The following ADAMTS12 variants were observed in gnomAD, a reference collection of about 807,000 sequenced individuals.
ADAMTS12 encodes A disintegrin and metalloproteinase with thrombospondin motifs 12.
Under a neutral mutation model 167.8 loss-of-function variants are expected in ADAMTS12, and 118 were observed. The observed-to-expected ratio is 0.70, with a 90% CI of 0.61 to 0.82. The LOEUF is 0.82. ADAMTS12 is among the 40% of genes least tolerant of loss of function. The pLI is 0.00. For synonymous variants in ADAMTS12, 704 were observed against 716.9 expected, an observed-to-expected ratio of 0.98 and a Z score of 0.29; for missense variants, 1,916 against 1,998.8, an observed-to-expected ratio of 0.96 and a Z score of 0.79.
At chr5:33,751,276 G>T in intron 3 of ADAMTS12, 128 bp downstream of exon 3, 2 of 1,117,240 alleles carry the variant, frequency 1.8e-6, no homozygotes, top group Non-Finnish European at 1.3e-6. Flanking sequence ...TGAATGTCAT[G>T]AAGATATTAA....
At chr5:33,856,607 T>C (rs1386531818) in intron 2 of ADAMTS12, among the ~76,000 whole-genome samples, 1 of 148,970 alleles carries the variant, frequency 6.7e-6, no homozygotes, top group Non-Finnish European at 1.5e-5. Context: ...TTAAAGGATT[T>C]CTCAAAAAAA....
chr5:33,727,521 C>T (rs1744027365), intron 3 of ADAMTS12, among the ~76,000 whole-genome samples: 1 of 152,238 alleles, frequency 6.6e-6, no homozygotes, highest in Non-Finnish European at 1.5e-5. Flanking sequence ...GTTTTCCAGA[C>T]TTTCCAAGGG....
chr5:33,873,179 A>C (rs1200055681), intron 2 of ADAMTS12, among the ~76,000 whole-genome samples: 1 of 151,950 alleles, frequency 6.6e-6, no homozygotes, highest in Non-Finnish European at 1.5e-5. Context: ...AAAAAAAAAA[A>C]AAAAACACTC....
intron 2 of ADAMTS12, among the ~76,000 whole-genome samples, chr5:33,792,079 C>A (rs1471170293): frequency 2.0e-5 from 3 of 148,854 alleles, no homozygotes; most frequent in Non-Finnish European, 4.4e-5. Flanking sequence ...CTCACTGCAA[C>A]CTCTGCCTCC....
At chr5:33,581,863 A>C (rs1747081302) in intron 18 of ADAMTS12, among the ~76,000 whole-genome samples, 1 of 152,234 alleles carries the variant, frequency 6.6e-6, no homozygotes, top group Non-Finnish European at 1.5e-5. Flanking sequence ...CACAGAGATC[A>C]CAGGCAGGTA....
intron 2 of ADAMTS12, among the ~76,000 whole-genome samples, chr5:33,868,271 G>A (rs2111723578): frequency 6.6e-6 from 1 of 152,328 alleles, no homozygotes; most frequent in South Asian, 2.1e-4. Flanking sequence ...CTTTGGAACT[G>A]GATAACAGGC....
intron 16 of ADAMTS12, among the ~76,000 whole-genome samples, chr5:33,602,280 G>A (rs973184823): frequency 1.3e-5 from 2 of 152,232 alleles, no homozygotes; most frequent in African/African-American, 4.8e-5. Flanking sequence ...TAGCCACTCT[G>A]ATTAAGGATT....
At chr5:33,788,791 TAA>T (rs1746427124) in intron 2 of ADAMTS12, among the ~76,000 whole-genome samples, 1 of 152,196 alleles carries the variant, frequency 6.6e-6, no homozygotes, top group Non-Finnish European at 1.5e-5. Context: ...TGGCAGTTAC[TAA>T]AGCACATGCG....
chr5:33,675,087 GC>G (rs2112244667), intron 5 of ADAMTS12, among the ~76,000 whole-genome samples: 1 of 152,260 alleles, frequency 6.6e-6, no homozygotes, highest in East Asian at 1.9e-4. Flanking sequence ...AGATGCTGGT[GC>G]CATGATCTTG....
intron 3 of ADAMTS12, among the ~76,000 whole-genome samples, chr5:33,747,592 A>C (rs1744835353): frequency 6.6e-6 from 1 of 152,200 alleles, no homozygotes; most frequent in Non-Finnish European, 1.5e-5. Context: ...GGAAATATGG[A>C]CAAGAAGGTT....
intron 1 of ADAMTS12, among the ~76,000 whole-genome samples, chr5:33,885,848 T>G (rs147100651): frequency 2.1e-4 from 32 of 151,936 alleles, no homozygotes; most frequent in African/African-American, 5.5e-4. Context: ...TCAACAGGAG[T>G]GTTAGCAGGA....
At chr5:33,720,284 T>TCTCA (rs5867207) in intron 3 of ADAMTS12, among the ~76,000 whole-genome samples, 3 of 147,802 alleles carry the variant, frequency 2.0e-5, no homozygotes, top group African/African-American at 7.5e-5. Flanking sequence ...TCTCTCTCAC[T>TCTCA]CACACACACA....
At chr5:33,808,252 T>G (rs368474258) in intron 2 of ADAMTS12, among the ~76,000 whole-genome samples, 2 of 152,332 alleles carry the variant, frequency 1.3e-5, no homozygotes, top group African/African-American at 4.8e-5. Flanking sequence ...CTATTTCCAG[T>G]TGCAGAGATG....
At chr5:33,638,713 AGCTCTGT>A (rs547021063) in intron 11 of ADAMTS12, among the ~76,000 whole-genome samples, 1,603 of 152,284 alleles carry the variant, frequency 0.011, 16 homozygotes, top group Non-Finnish European at 0.019. Context: ...GCACAATCCA[AGCTCTGT>A]GTCCTCTGTG....
chr5:33,558,008 C>T (rs1210297260), intron 20 of ADAMTS12, among the ~76,000 whole-genome samples: 1 of 151,994 alleles, frequency 6.6e-6, no homozygotes, highest in East Asian at 1.9e-4. Flanking sequence ...ATAGGACCAT[C>T]TAGTTGCAGG....
At chr5:33,682,141 C>T (rs62352060) in intron 5 of ADAMTS12, among the ~76,000 whole-genome samples, 51,890 of 151,972 alleles carry the variant, frequency 0.34, 10,839 homozygotes, top group Non-Finnish European at 0.48. Context: ...AGAGATGACA[C>T]GTATTTTGGA....
intron 6 of ADAMTS12, among the ~76,000 whole-genome samples, chr5:33,661,016 G>T (rs1254158039): frequency 2.0e-5 from 3 of 152,068 alleles, no homozygotes; most frequent in African/African-American, 7.2e-5. Context: ...AATGTTCATG[G>T]GCAGCCTATC....
intron 6 of ADAMTS12, among the ~76,000 whole-genome samples, chr5:33,660,822 C>T (rs143681184): frequency 6.6e-6 from 1 of 152,320 alleles, no homozygotes; most frequent in East Asian, 1.9e-4. Context: ...TCAAAAACTT[C>T]CTGTGGGATA....
chr5:33,658,253 C>A lies in ADAMTS12; in HGVS notation c.1121G>T (p.Arg374Leu). Residue 374 changes from arginine to leucine, a missense_variant, in exon 7 of 24, where the codon CGC (arginine) becomes CTC (leucine). Physicochemically the swap from Arg to Leu is moderately radical, Grantham distance 102. Coordinates refer to ENST00000504830, the MANE Select transcript of ADAMTS12 (RefSeq NM_030955.4). ...SHLSGMCQPH[R>L]SCNINEDSGL... ...CGAATCTTCATTGATGTTACAACTGCGGTGAGGCTGACACATTCCTGAAAG... is the reference window on the plus strand; with the variant it reads ...CGAATCTTCATTGATGTTACAACTGAGGTGAGGCTGACACATTCCTGAAAG... 4.3e-6 allele frequency: 7 copies of A among 1,613,676 alleles called. No homozygotes were observed. The highest frequency in any genetic ancestry group is 5.9e-6 in the Non-Finnish European group (7 of 1,179,702).
Sources: gnomAD v4.1 joint callset for allele counts (sites outside exome capture counted in the v4.1 genomes callset) on GRCh38, gnomAD v4.1.1 for gene constraint, MANE v1.5 for transcripts, NCBI Gene and HGNC (gene_info 2026-07-23, HGNC 2026-07-21) for gene names.